RALGPS1: variants seen among roughly 807,000 people sequenced by gnomAD.
RALGPS1 encodes ras-specific guanine nucleotide-releasing factor RalGPS1.
RALGPS1 carries 19 observed loss-of-function variants against 78.8 expected under a neutral mutation model. That is an observed-to-expected ratio of 0.24 (90% CI 0.17 to 0.35). The LOEUF (loss-of-function observed/expected upper bound fraction) is 0.35. Among genes scored for constraint, RALGPS1 ranks in the 10% least tolerant of loss-of-function variants. The pLI is 1.00. For synonymous variants in RALGPS1, 228 were observed against 256.3 expected, an observed-to-expected ratio of 0.89 and a Z score of 1.06; for missense variants, 454 against 688.3, an observed-to-expected ratio of 0.66 and a Z score of 3.81.
chr9:127,109,087 C>G (rs1413952632), intron 8 of RALGPS1, among the ~76,000 whole-genome samples: 1 of 152,212 alleles, frequency 6.6e-6, no homozygotes. Context: ...AACTCCTGGC[C>G]TAGAGCCTGA....
At chr9:127,055,027 GA>G (rs1281674267) in intron 7 of RALGPS1, among the ~76,000 whole-genome samples, 47 of 106,352 alleles carry the variant, frequency 4.4e-4, no homozygotes, top group Admixed American at 1.0e-3. Flanking sequence ...GAGAGAGAGA[GA>G]GAGAGAGAGA....
At chr9:127,146,684 C>T (rs1280329577) in intron 8 of RALGPS1, among the ~76,000 whole-genome samples, 2 of 151,878 alleles carry the variant, frequency 1.3e-5, no homozygotes, top group African/African-American at 4.8e-5. Context: ...GCTGGGATGA[C>T]AGACATCCAC....
Position 127,221,095 on chromosome 9 carries a change from A to G in RALGPS1, c.*2326A>G, listed in dbSNP as rs1011628456. ...CAGTAAGAGGCTTGACCACGCCGGA[A>G]GAGTCCTGGAGCTAAAGCTGGAAGA... On this transcript the variant is annotated 3_prime_UTR_variant, in exon 19 of 19. Coordinates refer to ENST00000259351, the MANE Select transcript of RALGPS1 (RefSeq NM_014636.3). 6.6e-6 allele frequency: 1 copy of G among 152,310 alleles called. No homozygotes were observed. The highest frequency in any genetic ancestry group is 6.5e-5 in the Admixed American group (1 of 15,282). The allele number at this position is 152,310 out of a possible 1,614,324, so 9.4% of individuals were successfully genotyped here.
chr9:126,934,492 C>G (rs2036082989), intron 1 of RALGPS1, among the ~76,000 whole-genome samples: 1 of 152,166 alleles, frequency 6.6e-6, no homozygotes, highest in South Asian at 2.1e-4. Context: ...CCGGGTGGTG[C>G]TGTAGTCAGA....
chr9:127,168,628 G>T (rs1420611302), intron 9 of RALGPS1, 51 bp from the exon 10 acceptor site: 5 of 1,212,692 alleles, frequency 4.1e-6, no homozygotes, highest in South Asian at 1.2e-5. Context: ...TCATCTGGGG[G>T]CCTAAAGATG....
intron 17 of RALGPS1, among the ~76,000 whole-genome samples, chr9:127,214,346 T>C (rs966229823): frequency 2.6e-5 from 4 of 152,254 alleles, no homozygotes; most frequent in Non-Finnish European, 2.9e-5. Flanking sequence ...CTTATGCTCA[T>C]CTCTTTTACA....
intron 1 of RALGPS1, among the ~76,000 whole-genome samples, chr9:126,955,098 G>C (rs1380008916): frequency 6.6e-6 from 1 of 152,220 alleles, no homozygotes; most frequent in Non-Finnish European, 1.5e-5. Context: ...CATCTGTAGA[G>C]AGTCCTTCCT....
intron 11 of RALGPS1, among the ~76,000 whole-genome samples, chr9:127,178,935 C>G (rs190118061): frequency 1.1e-4 from 17 of 152,376 alleles, no homozygotes; most frequent in Admixed American, 1.1e-3. Context: ...TCTGCTCCGC[C>G]AGACTGAAAG....
intron 4 of RALGPS1, among the ~76,000 whole-genome samples, chr9:126,987,377 G>A (rs867496675): frequency 2.6e-5 from 4 of 152,188 alleles, no homozygotes; most frequent in Middle Eastern, 3.2e-3. Context: ...ATTTCAGGCA[G>A]AATGAATAAC....
chr9:127,033,359 C>T (rs368635540), intron 4 of RALGPS1, among the ~76,000 whole-genome samples: 46 of 152,226 alleles, frequency 3.0e-4, no homozygotes, highest in Admixed American at 7.2e-4. Flanking sequence ...GTTTGACAGG[C>T]GTGGCCCTTC....
At chr9:127,070,477 T>A (rs1195815545) in intron 8 of RALGPS1, among the ~76,000 whole-genome samples, 21 of 152,226 alleles carry the variant, frequency 1.4e-4, no homozygotes, top group Admixed American at 1.4e-3. Context: ...TGCCTTTTCA[T>A]GTATATTTCC....
Position 127,194,007 on chromosome 9 carries a change from A to G in RALGPS1, c.911-1084A>G, listed in dbSNP as rs537515172. Among the ~76,000 whole-genome samples the G allele has an allele frequency of 3.0e-3, 459 of 152,324 alleles. 3 individuals carry two copies. The highest frequency in any genetic ancestry group is 4.8e-3 in the Non-Finnish European group (326 of 68,028). ...ATGGCTGAAGACATGGCCAGCATGA[A>G]GGATTTGGCCTCAGTGTCTGTGTAT... On this transcript the variant is annotated intron_variant, in intron 11 of 18. Transcript: ENST00000259351.
intron 11 of RALGPS1, 122 bp from the exon 12 acceptor site, chr9:127,194,969 G>C: frequency 8.3e-7 from 1 of 1,202,942 alleles, no homozygotes; most frequent in Non-Finnish European, 1.2e-6. Flanking sequence ...CCCCACCTGT[G>C]ACAGCTGGGC....
At chr9:127,047,871 A>C (rs549549560) in intron 5 of RALGPS1, among the ~76,000 whole-genome samples, 1 of 152,216 alleles carries the variant, frequency 6.6e-6, no homozygotes, top group African/African-American at 2.4e-5. Flanking sequence ...TTAAAAACTT[A>C]AGTTTTGTAG....
At chr9:127,057,070 A>T (rs1219951598) in intron 7 of RALGPS1, among the ~76,000 whole-genome samples, 1 of 152,154 alleles carries the variant, frequency 6.6e-6, no homozygotes, top group Non-Finnish European at 1.5e-5. Context: ...CTTGTTCAAG[A>T]TCCAGAGCTG....
intron 1 of RALGPS1, among the ~76,000 whole-genome samples, chr9:126,951,336 G>C (rs1039960413): frequency 1.4e-5 from 2 of 147,562 alleles, no homozygotes; most frequent in Non-Finnish European, 1.5e-5. Flanking sequence ...GCGTCATCCT[G>C]ATACCAAAGC....
intron 4 of RALGPS1, chr9:126,977,946 G>A: frequency 6.7e-6 from 3 of 448,936 alleles, no homozygotes; most frequent in Non-Finnish European, 3.9e-6. Flanking sequence ...CTCCCGTCTG[G>A]CCTACTCTGG....
chr9:127,137,924 A>G lies in RALGPS1; in HGVS notation c.611-28145A>G, dbSNP rs552298771. Among the ~76,000 whole-genome samples, 198 of 152,302 alleles carry G rather than the reference A, an allele frequency of 1.3e-3. 1 individual carries two copies. Among genetic ancestry groups the G allele is most frequent in the African/African-American group, 4.5e-3 (186 of 41,570 alleles). ...TCATCTGTAAATGGGGTCCAGGGAG[A>G]TAATACATGTTGAGCTCACACGTAG... On this transcript the variant is annotated intron_variant, in intron 8 of 18. Transcript: ENST00000259351.
chr9:127,178,339 C>T, intron 11 of RALGPS1: 1 of 560,584 alleles, frequency 1.8e-6, no homozygotes, highest in Non-Finnish European at 2.5e-6. Flanking sequence ...GCAAAAAATG[C>T]AGCTGAATTG....
Sources: gnomAD v4.1 joint callset for allele counts (sites outside exome capture counted in the v4.1 genomes callset) on GRCh38, gnomAD v4.1.1 for gene constraint, MANE v1.5 for transcripts, NCBI Gene and HGNC (gene_info 2026-07-23, HGNC 2026-07-21) for gene names.